TSHZ2: variants seen among roughly 807,000 people sequenced by gnomAD.
TSHZ2 encodes the protein teashirt zinc finger homeobox 2.
TSHZ2 carries 21 observed loss-of-function variants against 74.4 expected under a neutral mutation model. That is an observed-to-expected ratio of 0.28 (90% confidence interval 0.20 to 0.41). The LOEUF is 0.41. TSHZ2 is among the 10% of genes least tolerant of loss of function. The probability of loss-of-function intolerance (pLI) is 1.00; values close to 1 mark genes in which losing one functional copy is unlikely to be tolerated. For missense variants in TSHZ2, 1,244 were observed against 1,293.5 expected, an observed-to-expected ratio of 0.96 and a Z score of 0.59; for synonymous variants, 540 against 515.3, an observed-to-expected ratio of 1.05 and a Z score of -0.65.
At chr20:53,294,560 T>C (rs1326535734) in intron 2 of TSHZ2, among the ~76,000 whole-genome samples, 1 of 152,136 alleles carries the variant, frequency 6.6e-6, no homozygotes, top group Non-Finnish European at 1.5e-5. Flanking sequence ...GCAAAAATTA[T>C]ACAACTGAGT....
At chr20:53,352,107 T>C (rs891296884) in intron 2 of TSHZ2, among the ~76,000 whole-genome samples, 1 of 152,178 alleles carries the variant, frequency 6.6e-6, no homozygotes, top group African/African-American at 2.4e-5. Flanking sequence ...TCTAAAACCA[T>C]GTGAGTTCAC....
chr20:53,412,625 C>G (rs758967343), intron 2 of TSHZ2: 1 of 152,250 alleles, frequency 6.6e-6, no homozygotes, highest in South Asian at 2.1e-4. Context: ...CAGAGGCCTC[C>G]GTCTCTCAGG....
At chr20:53,342,029 C>A (rs1335896602) in intron 2 of TSHZ2, among the ~76,000 whole-genome samples, 1 of 152,096 alleles carries the variant, frequency 6.6e-6, no homozygotes, top group African/African-American at 2.4e-5. Flanking sequence ...TTTAAATATA[C>A]AGAAAAATTG....
chr20:53,301,642 C>T (rs532437378), intron 2 of TSHZ2, among the ~76,000 whole-genome samples: 1 of 152,292 alleles, frequency 6.6e-6, no homozygotes, highest in Non-Finnish European at 1.5e-5. Flanking sequence ...TAGAGAACGA[C>T]AGATACACGT....
chr20:53,383,859 T>C (rs1384918975), intron 2 of TSHZ2, among the ~76,000 whole-genome samples: 1 of 152,192 alleles, frequency 6.6e-6, no homozygotes, highest in Non-Finnish European at 1.5e-5. Context: ...TGCTAATTAT[T>C]TCAATCCTGG....
chr20:52,996,834 C>T (rs572509883), intron 1 of TSHZ2, among the ~76,000 whole-genome samples: 10 of 152,238 alleles, frequency 6.6e-5, no homozygotes, highest in African/African-American at 2.4e-4. Flanking sequence ...GCTGAGGTCC[C>T]TGGCTGCTGT....
chr20:53,254,474 C>A lies in TSHZ2; in HGVS notation c.1016C>A (p.Ser339Tyr). ...RPCSPDSTTG[S>Y]FADSFSSQKN... Reference sequence around the variant, plus strand: ...TGTTCCCCCGATTCAACCACAGGATCTTTTGCAGATTCTTTTTCTTCTCAG... The same window carrying A: ...TGTTCCCCCGATTCAACCACAGGATATTTTGCAGATTCTTTTTCTTCTCAG... Residue 339 changes from serine to tyrosine, a missense_variant, in exon 2 of 3, where the codon TCT becomes TAT. By Grantham distance (144) the Ser-to-Tyr change is moderately radical. Around this residue, in one of 6 missense-constraint regions of TSHZ2, gnomAD observed 470 missense variants for 456.5 expected, o/e 1.03. Coordinates refer to ENST00000371497, the MANE Select transcript of TSHZ2 (RefSeq NM_173485.6). 2 of 1,614,084 alleles carry A rather than the reference C, an allele frequency of 1.2e-6. No individual in the cohort carries two copies. The highest frequency in any genetic ancestry group is 1.7e-6 in the Non-Finnish European group (2 of 1,179,926).
intron 1 of TSHZ2, among the ~76,000 whole-genome samples, chr20:53,236,792 C>G (rs546350966): frequency 6.6e-6 from 1 of 152,318 alleles, no homozygotes; most frequent in East Asian, 1.9e-4. Flanking sequence ...ACATGTCCTT[C>G]TTCACATGGC....
intron 1 of TSHZ2, among the ~76,000 whole-genome samples, chr20:53,223,648 G>A (rs566130692): frequency 2.5e-4 from 38 of 152,038 alleles, no homozygotes; most frequent in Non-Finnish European, 2.8e-4. Flanking sequence ...CTCCTACCTC[G>A]GCCTTCCAAA....
intron 2 of TSHZ2, among the ~76,000 whole-genome samples, chr20:53,312,323 G>A (rs866888814): frequency 9.2e-5 from 14 of 152,222 alleles, no homozygotes; most frequent in Middle Eastern, 6.8e-3. Flanking sequence ...GTAACTAATC[G>A]CTAACTTGTT....
intron 2 of TSHZ2, among the ~76,000 whole-genome samples, chr20:53,422,253 C>T (rs1983502735): frequency 6.6e-6 from 1 of 152,174 alleles, no homozygotes; most frequent in African/African-American, 2.4e-5. Flanking sequence ...TGACCCTTCC[C>T]TTGAATTCAG....
intron 2 of TSHZ2, among the ~76,000 whole-genome samples, chr20:53,454,297 C>T (rs1270321033): frequency 1.3e-5 from 2 of 152,150 alleles, no homozygotes; most frequent in Admixed American, 1.3e-4. Flanking sequence ...GGCGTGGTGG[C>T]TCACACCTGT....
chr20:53,331,455 C>A (rs1979718182), intron 2 of TSHZ2, among the ~76,000 whole-genome samples: 1 of 151,982 alleles, frequency 6.6e-6, no homozygotes, highest in Admixed American at 6.6e-5. Context: ...CCAGGGGGAA[C>A]CAAAATCCTG....
At chr20:53,163,008 T>C (rs906739360) in intron 1 of TSHZ2, among the ~76,000 whole-genome samples, 2 of 152,242 alleles carry the variant, frequency 1.3e-5, no homozygotes, top group Non-Finnish European at 2.9e-5. Context: ...CTGAAAAGAA[T>C]GTAGGAAAAC....
chr20:53,043,033 T>C (rs530929839), intron 1 of TSHZ2, among the ~76,000 whole-genome samples: 2 of 152,308 alleles, frequency 1.3e-5, no homozygotes, highest in Non-Finnish European at 2.9e-5. Context: ...AATACAGGCA[T>C]GTGGACAGGT....
At chr20:53,413,904 G>C (rs1452389051) in intron 2 of TSHZ2, among the ~76,000 whole-genome samples, 4 of 152,196 alleles carry the variant, frequency 2.6e-5, no homozygotes, top group Non-Finnish European at 5.9e-5. Flanking sequence ...TACTTTGGGA[G>C]GCCAAGGCAG....
intron 1 of TSHZ2, among the ~76,000 whole-genome samples, chr20:53,061,083 A>G (rs1600670739): frequency 6.6e-6 from 1 of 152,338 alleles, no homozygotes; most frequent in East Asian, 1.9e-4. Flanking sequence ...TCTAAGTACA[A>G]AATTGACACT....
intron 2 of TSHZ2, among the ~76,000 whole-genome samples, chr20:53,433,768 C>T (rs552518083): frequency 6.6e-6 from 1 of 152,186 alleles, no homozygotes. Flanking sequence ...CTGTAACCAG[C>T]AATTGACTGG....
chr20:53,163,358 C>CTTTT (rs1987987628), intron 1 of TSHZ2, among the ~76,000 whole-genome samples: 2 of 63,114 alleles, frequency 3.2e-5, no homozygotes, highest in South Asian at 1.3e-3. Context: ...CGCTCTCTGT[C>CTTTT]TCTTTTTTTT....
Sources: gnomAD v4.1 joint callset for allele counts (sites outside exome capture counted in the v4.1 genomes callset) on GRCh38, gnomAD v4.1.1 for gene constraint, gnomAD v4.1.1 regional missense constraint, MANE v1.5 for transcripts, NCBI Gene and HGNC (gene_info 2026-07-23, HGNC 2026-07-21) for gene names.